The following SIGLEC10 variants were observed in gnomAD, a reference collection of about 807,000 sequenced individuals.
SIGLEC10 encodes the protein sialic acid binding Ig like lectin 10.
SIGLEC10 carries 45 observed loss-of-function variants against 68.3 expected under a neutral mutation model. The ratio of observed to expected loss-of-function variants is 0.66; its 90% CI spans 0.52 to 0.84. The LOEUF (loss-of-function observed/expected upper bound fraction) is 0.84. SIGLEC10 is among the 40% of genes least tolerant of loss of function. SIGLEC10 has a pLI of 0.00. For missense variants in SIGLEC10, 789 were observed against 883.1 expected (o/e 0.89, Z 1.35); for synonymous variants, 379 against 370.8 (o/e 1.02, Z -0.26).
chr19:51,415,881 C>T lies in SIGLEC10; in HGVS notation c.1024+17G>A, dbSNP rs751159980. 4.3e-6 allele frequency: 7 copies of T among 1,612,282 alleles called. No homozygotes were observed. Among genetic ancestry groups the T allele is most frequent in the South Asian group, 1.1e-5 (1 of 90,988 alleles). On this transcript the variant is annotated intron_variant, in intron 5 of 10. Coordinates refer to ENST00000339313, the MANE Select transcript of SIGLEC10 (RefSeq NM_033130.5). ...TGCCCTCCCAATGGACTCCAGGCCC[C>T]TGCTGGGCACACTCACACTGCACAG... is the stretch of plus-strand genomic sequence containing the variant.
rs200894214 is a variant in SIGLEC10, at chr19:51,415,135, C to A, written c.1331-27G>T. ...TGAGGGGAGGGAGGACAGGACTCAG[C>A]AGGGTCCCCTTCCTGGGACCCAGGT... On this transcript the variant is annotated intron_variant, in intron 7 of 10. Coordinates refer to ENST00000339313, the MANE Select transcript of SIGLEC10 (RefSeq NM_033130.5). 5,200 of 1,577,626 alleles carry A rather than the reference C, an allele frequency of 3.3e-3. 54 individuals are homozygous for A. The highest frequency in any genetic ancestry group is 0.032 in the African/African-American group (2,379 of 73,970).
chr19:51,416,757 T>G lies in SIGLEC10; in HGVS notation c.615A>C (p.Arg205Ser), dbSNP rs148042318. The G allele has an allele frequency of 8.0e-4, 1,288 of 1,613,770 alleles. 1 individual carries two copies. The highest frequency in any genetic ancestry group is 4.6e-3 in the Middle Eastern group (28 of 6,060). ...SHFSVLSFTP[R>S]PQDHNTDLTC... ...TGAGGTCGGTGTTGTGGTCCTGGGG[T>G]CTGGGCGTGAAGCTGAGCACTGAGA... Residue 205 changes from arginine (R) to serine (S), a missense_variant, in exon 3 of 11, where the codon AGA (arginine) becomes AGC (serine). Coordinates refer to ENST00000339313, the MANE Select transcript of SIGLEC10 (RefSeq NM_033130.5).
rs926099879 is a variant in SIGLEC10, at chr19:51,414,511, C to A, written c.1620G>T (p.Lys540Asn). ...QSGSILQLPD[K>N]KGLISTAFSN... ...AGAATGCCGTTGAGATGAGTCCCTT[C>A]TTATCTGCACACGGAGAGGGCAAGG... Residue 540 changes from lysine (K) to asparagine (N), a missense_variant, in exon 9 of 11, where the codon AAG becomes AAT. Coordinates refer to ENST00000339313, the MANE Select transcript of SIGLEC10 (RefSeq NM_033130.5). The surrounding 1 kb of genome is among the most constrained non-coding windows in gnomAD (Gnocchi z 4.1). The A allele has an allele frequency of 1.2e-6, 2 of 1,613,666 alleles. No individual in the cohort carries two copies. Among genetic ancestry groups the A allele is most frequent in the African/African-American group, 2.7e-5 (2 of 74,900 alleles).
chr19:51,416,602 G>T (rs1988695374), intron 3 of SIGLEC10, 64 bp downstream of exon 3: 1 of 1,606,410 alleles, frequency 6.2e-7, no homozygotes. Flanking sequence ...TGTCCCACTG[G>T]GCTCCTCCAC....
intron 10 of SIGLEC10, among the ~76,000 whole-genome samples, chr19:51,411,705 G>A (rs1397023422): frequency 2.6e-5 from 4 of 152,156 alleles, no homozygotes; most frequent in Non-Finnish European, 5.9e-5. Flanking sequence ...AATTAGCCGG[G>A]CGTGGTGACA....
At chr19:51,415,724 G>A in intron 5 of SIGLEC10, 109 bp from the exon 6 acceptor site, 1 of 1,589,040 alleles carries the variant, frequency 6.3e-7, no homozygotes, top group Non-Finnish European at 8.6e-7. Context: ...TAGAAGGGCA[G>A]GGCAGAATCA....
rs375660240 is a variant in SIGLEC10 at position 51,414,566 on chromosome 19, G to A, written c.1616-51C>T. 2.2e-5 allele frequency: 34 copies of A among 1,557,148 alleles called. No homozygotes were observed. The highest frequency in any genetic ancestry group is 1.8e-4 in the African/African-American group (13 of 73,768). ...CATTTCCCATCCACGCAGGGCTCAC[G>A]AAGCCCGCTCATCACTCGGCATTAA... On this transcript the variant is annotated intron_variant, in intron 8 of 10. Coordinates refer to ENST00000339313, the MANE Select transcript of SIGLEC10 (RefSeq NM_033130.5). The surrounding 1 kb of genome is among the most constrained non-coding windows in gnomAD (Gnocchi z 4.1).
Position 51,416,313 on chromosome 19 carries a change from G to T in SIGLEC10, c.751C>A (p.Pro251Thr), listed in dbSNP as rs147122969. ...LVISISRDNT[P>T]ALEPQPQGNV... ...CCAGCCCGACGGCCCTCAGTACCTG[G>T]CGTGTTGTCACGTGAAATGCTGATA... Residue 251 changes from proline to threonine, a missense_variant, in exon 4 of 11, where the codon CCA becomes ACA. Physicochemically the swap from Pro to Thr is conservative, Grantham distance 38. Transcript: ENST00000339313. The T allele has an allele frequency of 6.2e-7, 1 of 1,614,114 alleles. No homozygotes were observed. The highest frequency in any genetic ancestry group is 8.5e-7 in the Non-Finnish European group (1 of 1,179,996).
In SIGLEC10 at chr19:51,411,112, A is replaced by C. The variant is rs1489030925; in HGVS notation, c.2081T>G (p.Val694Gly). 6.2e-7 allele frequency: 1 copy of C among 1,613,380 alleles called. No homozygotes were observed. Among genetic ancestry groups the C allele is most frequent in the African/African-American group, 1.3e-5 (1 of 74,954 alleles). Residue 694 changes from valine to glycine, a missense_variant, in exon 11 of 11, where the codon GTC becomes GGC. By Grantham distance (109) the Val-to-Gly change is moderately radical (BLOSUM62 -3). Transcript: ENST00000339313. ...PKGTQADYAEVKFQ is the reference protein window; with the variant it reads ...PKGTQADYAEGKFQ ...CCTAAGAGACCCTCATTGGAACTTGACTTCTGCATAATCCGCCTGGGTGCC... is the reference window on the plus strand; with the variant it reads ...CCTAAGAGACCCTCATTGGAACTTGCCTTCTGCATAATCCGCCTGGGTGCC...
rs1988407835 is a variant in SIGLEC10, at chr19:51,414,768, CT to C, written c.1615+55del. The C allele has an allele frequency of 6.2e-7, 1 of 1,606,720 alleles. No homozygotes were observed. The highest frequency in any genetic ancestry group is 1.7e-5 in the Admixed American group (1 of 57,188). ...CCTGCTCCAACCACAGGACCCTACT[CT>C]TTGCCCCAGTCAGCTTCTCCTCCAA... On this transcript the variant is annotated intron_variant, in intron 8 of 10. Transcript: ENST00000339313. This position sits in a 1 kb window ranked among gnomAD's most constrained non-coding sequence, Gnocchi z 4.1.
At chr19:51,413,898 C>CCGT in intron 9 of SIGLEC10, 75 bp from the exon 10 acceptor site, 1 of 1,134,766 alleles carries the variant, frequency 8.8e-7, no homozygotes, top group Non-Finnish European at 1.3e-6. Flanking sequence ...CTACCTGAGA[C>CCGT]CGTCACTATG....
rs1987877873 is a variant in SIGLEC10, at chr19:51,410,098, C to T, written c.*1001G>A. 1.3e-5 allele frequency: 2 copies of T among 152,238 alleles called. No individual in the cohort carries two copies. Among genetic ancestry groups the T allele is most frequent in the African/African-American group, 4.8e-5 (2 of 41,452 alleles). The allele number at this position is 152,238 out of a possible 1,614,324, so 9.4% of individuals were successfully genotyped here. On this transcript the variant is annotated 3_prime_UTR_variant, in exon 11 of 11. Coordinates refer to ENST00000339313, the MANE Select transcript of SIGLEC10 (RefSeq NM_033130.5). ...CCATAGACAAGAGCAGCGCCTAGAG[C>T]TGCTGGTTGCCCACTTTTATGGTTA...
intron 9 of SIGLEC10, 90 bp from the exon 10 acceptor site, chr19:51,413,913 T>TAGTAACTGTCA: frequency 1.1e-6 from 1 of 927,308 alleles, no homozygotes; most frequent in Non-Finnish European, 1.8e-6. Context: ...ACTATGACAG[T>TAGTAACTGTCA]TACTACTGTT....
In SIGLEC10 at chr19:51,414,815, C is replaced by T. The variant is rs754601808; in HGVS notation, c.1615+9G>A. 3 of 1,611,812 alleles carry T rather than the reference C, an allele frequency of 1.9e-6. No individual in the cohort carries two copies. Among genetic ancestry groups the T allele is most frequent in the South Asian group, 2.2e-5 (2 of 90,890 alleles). ...TCCAAGAACCTTGGCATCCAGGCGG[C>T]CCCCTAACCTGGCAGCTGCAGGATG... On this transcript the variant is annotated intron_variant, in intron 8 of 10. Coordinates refer to ENST00000339313, the MANE Select transcript of SIGLEC10 (RefSeq NM_033130.5). The surrounding 1 kb of genome is among the most constrained non-coding windows in gnomAD (Gnocchi z 4.1).
At position 51,416,032 on chromosome 19, in the gene SIGLEC10, G is replaced by A. The variant is rs112483924; in HGVS notation, c.890C>T (p.Ser297Leu). The A allele has an allele frequency of 3.4e-3, 5,417 of 1,613,252 alleles. 62 individuals carry two copies. Among genetic ancestry groups the A allele is most frequent in the African/African-American group, 0.032 (2,409 of 75,000 alleles). Residue 297 changes from serine to leucine, a missense_variant, in exon 5 of 11, where the codon TCG (serine) becomes TTG (leucine). By Grantham distance (145) the Ser-to-Leu change is moderately radical. Coordinates refer to ENST00000339313, the MANE Select transcript of SIGLEC10 (RefSeq NM_033130.5). ...SWVLQNRVLS[S>L]SHPWGPRPLG... ...GGGTCTAGGGCCCCAGGGATGGGAC[G>A]AGGAGAGGACTCTGTTCTGCAGGAC... is the stretch of plus-strand genomic sequence containing the variant.
chr19:51,411,238 G>A lies in SIGLEC10; in HGVS notation c.1955C>T (p.Ser652Phe). The change falls in exon 11 of 11, where the codon TCC (serine) becomes TTC (phenylalanine). Residue 652 changes from serine to phenylalanine, a missense_variant. Physicochemically the swap from Ser to Phe is radical, Grantham distance 155 (BLOSUM62 -2). Transcript: ENST00000339313. Reference sequence around the variant, plus strand: ...CTCCTGGGATTCTGGGGCTTGAGTGGATGATTTGGGTTCTGGGAAACTGGG... The same window carrying A: ...CTCCTGGGATTCTGGGGCTTGAGTGAATGATTTGGGTTCTGGGAAACTGGG... ...QLPSFPEPKSSTQAPESQESQ... is the reference protein window; with the variant it reads ...QLPSFPEPKSFTQAPESQESQ... 2 of 1,614,120 alleles carry A rather than the reference G, an allele frequency of 1.2e-6. No individual in the cohort carries two copies. The highest frequency in any genetic ancestry group is 1.7e-6 in the Non-Finnish European group (2 of 1,180,018).
chr19:51,415,145 T>A (rs77870392), intron 7 of SIGLEC10, 36 bp downstream of exon 7: 59,471 of 1,578,284 alleles, frequency 0.038, 1,841 homozygotes, highest in African/African-American at 0.14. Context: ...CAGGGTCCCC[T>A]TCCTGGGACC....
At position 51,410,976 on chromosome 19, in the gene SIGLEC10, G is replaced by A. The variant is rs1987941634; in HGVS notation, c.*123C>T. The A allele has an allele frequency of 1.4e-6, 1 of 719,594 alleles. No homozygotes were observed. The highest frequency in any genetic ancestry group is 2.0e-6 in the Non-Finnish European group (1 of 490,338). 44.6% of individuals were successfully genotyped at this position (719,594 alleles called of 1,614,324 possible). Reference sequence around the variant, plus strand: ...GATGTTTTTTTAAAAGAGAGAGAAAGAGAGAGAGAGAGAGAAAGAGAGAGA... The same window carrying A: ...GATGTTTTTTTAAAAGAGAGAGAAAAAGAGAGAGAGAGAGAAAGAGAGAGA... On this transcript the variant is annotated 3_prime_UTR_variant, in exon 11 of 11. Coordinates refer to ENST00000339313, the MANE Select transcript of SIGLEC10 (RefSeq NM_033130.5).
chr19:51,415,746 C>G, intron 5 of SIGLEC10, 131 bp from the exon 6 acceptor site: 1 of 1,573,082 alleles, frequency 6.4e-7, no homozygotes, highest in Middle Eastern at 2.3e-4. Flanking sequence ...CCACTGAGTC[C>G]CAGACACAAA....
Sources: gnomAD v4.1 joint callset for allele counts (sites outside exome capture counted in the v4.1 genomes callset) on GRCh38, gnomAD v4.1.1 for gene constraint, Gnocchi (gnomAD v3.1) non-coding constraint, MANE v1.5 for transcripts, NCBI Gene and HGNC (gene_info 2026-07-23, HGNC 2026-07-21) for gene names.